The following CXCR5 variants were observed in gnomAD, a reference collection of about 807,000 sequenced individuals.
CXCR5 encodes C-X-C motif chemokine receptor 5.
A neutral mutation model predicts 5.6 loss-of-function variants in CXCR5; 3 were observed. That is an observed-to-expected ratio of 0.54 (90% confidence interval 0.24 to 1.39). The LOEUF is 1.39. CXCR5 is among the 40% of genes most tolerant of loss of function. The probability of loss-of-function intolerance (pLI) is 0.16; values close to 1 mark genes in which losing one functional copy is unlikely to be tolerated. For missense variants in CXCR5, 333 were observed against 494.6 expected, an observed-to-expected ratio of 0.67 and a Z score of 3.10; for synonymous variants, 218 against 219.9, an observed-to-expected ratio of 0.99 and a Z score of 0.08.
chr11:118,884,058 A>G, intron 1 of CXCR5, 66 bp downstream of exon 1: 1 of 1,506,478 alleles, frequency 6.6e-7, no homozygotes, highest in Non-Finnish European at 9.1e-7. Context: ...CCTTTGCCAG[A>G]GTCCGAGGGA....
chr11:118,897,629 G>A lies in CXCR5; in HGVS notation c.*2966G>A. 1 of 370,276 alleles carries A rather than the reference G, an allele frequency of 2.7e-6. No individual in the cohort carries two copies. Among genetic ancestry groups the A allele is most frequent in the South Asian group, 2.0e-5 (1 of 49,188 alleles). The allele number at this position is 370,276 out of a possible 1,614,324, so 22.9% of individuals were successfully genotyped here. ...CATCTTACCATTTGGGGACGAGACAGGAATGGTATCCCTTAGGGACCCAGA... is the reference window on the plus strand; with the variant it reads ...CATCTTACCATTTGGGGACGAGACAAGAATGGTATCCCTTAGGGACCCAGA... On this transcript the variant is annotated 3_prime_UTR_variant, in exon 2 of 2. Coordinates refer to ENST00000292174, the MANE Select transcript of CXCR5 (RefSeq NM_001716.5).
chr11:118,885,232 C>T (rs1319500760), intron 1 of CXCR5, among the ~76,000 whole-genome samples: 1 of 152,162 alleles, frequency 6.6e-6, no homozygotes, highest in East Asian at 1.9e-4. Context: ...CCCCTCGGAT[C>T]CAAACCGTAG....
chr11:118,884,453 T>C (rs928951417), intron 1 of CXCR5, among the ~76,000 whole-genome samples: 1 of 152,120 alleles, frequency 6.6e-6, no homozygotes, highest in African/African-American at 2.4e-5. Flanking sequence ...GGCACTACAT[T>C]CTGTGTTGGG....
rs758718520 is a variant in CXCR5, at chr11:118,883,899, C to T, written c.-43C>T. 1 of 1,598,274 alleles carries T rather than the reference C, an allele frequency of 6.3e-7. No homozygotes were observed. Among genetic ancestry groups the T allele is most frequent in the African/African-American group, 1.3e-5 (1 of 74,544 alleles). ...AGGCACCTGGCGGGGAGCCTCTCAA[C>T]ATAAGACAGTGACCAGTCTGGTGAC... On this transcript the variant is annotated 5_prime_UTR_variant, in exon 1 of 2. Transcript: ENST00000292174.
chr11:118,891,096 G>A (rs569857768), intron 1 of CXCR5, among the ~76,000 whole-genome samples: 2 of 152,122 alleles, frequency 1.3e-5, no homozygotes, highest in African/African-American at 4.8e-5. Context: ...AAACAAAGGC[G>A]TGTGTTTGGG....
At chr11:118,884,323 G>A (rs555425325) in intron 1 of CXCR5, among the ~76,000 whole-genome samples, 2 of 152,218 alleles carry the variant, frequency 1.3e-5, no homozygotes, top group South Asian at 2.1e-4. Context: ...TCTTAGGGTC[G>A]GAATATGGAA....
At chr11:118,887,022 G>A (rs1405636851) in intron 1 of CXCR5, 1 of 154,416 alleles carries the variant, frequency 6.5e-6, no homozygotes, top group Non-Finnish European at 1.4e-5. Context: ...CAGGTCAAAA[G>A]TCCCAGAGGA....
chr11:118,894,611 G>T lies in CXCR5; in HGVS notation c.1067G>T (p.Arg356Leu), dbSNP rs142644535. 14 of 1,520,392 alleles carry T rather than the reference G, an allele frequency of 9.2e-6. No homozygotes were observed. Among genetic ancestry groups the T allele is most frequent in the Non-Finnish European group, 1.2e-5 (14 of 1,134,498 alleles). 94.2% of individuals were successfully genotyped at this position (1,520,392 alleles called of 1,614,324 possible). Residue 356 changes from arginine to leucine, a missense_variant, in exon 2 of 2, where the codon CGC (arginine) becomes CTC (leucine). Arg to Leu is a moderately radical substitution (Grantham distance 102). Coordinates refer to ENST00000292174, the MANE Select transcript of CXCR5 (RefSeq NM_001716.5). This position sits in a 1 kb window ranked among gnomAD's most constrained non-coding sequence, Gnocchi z 6.1. ...CTGTGCCAGCTCTTCCCTAGCTGGC[G>T]CAGGAGCAGTCTCTCTGAGTCAGAG... ...ASLCQLFPSW[R>L]RSSLSESENA...
intron 1 of CXCR5, among the ~76,000 whole-genome samples, chr11:118,892,212 A>G (rs778801833): frequency 6.6e-6 from 1 of 152,178 alleles, no homozygotes; most frequent in Non-Finnish European, 1.5e-5. Flanking sequence ...TCCTTCTCAC[A>G]GACCCTCATT....
At position 118,897,768 on chromosome 11, in the gene CXCR5, G is replaced by A. The variant is rs201537577; in HGVS notation, c.*3105G>A. On this transcript the variant is annotated 3_prime_UTR_variant, in exon 2 of 2. Transcript: ENST00000292174. ...GGGTTTCTTTTATCCTTTTTTTTTT[G>A]TGTGACTTCTATCAAAACACAGAAA... is the stretch of plus-strand genomic sequence containing the variant. 1 of 430,718 alleles carries A rather than the reference G, an allele frequency of 2.3e-6. No homozygotes were observed. The highest frequency in any genetic ancestry group is 4.6e-6 in the Non-Finnish European group (1 of 219,160). 26.7% of individuals were successfully genotyped at this position (430,718 alleles called of 1,614,324 possible).
chr11:118,897,615 T>G lies in CXCR5; in HGVS notation c.*2952T>G, dbSNP rs958953608. On this transcript the variant is annotated 3_prime_UTR_variant, in exon 2 of 2. Coordinates refer to ENST00000292174, the MANE Select transcript of CXCR5 (RefSeq NM_001716.5). ...TGGGTCATTTACGTCATCTTACCAT[T>G]TGGGGACGAGACAGGAATGGTATCC... 2.8e-6 allele frequency: 1 copy of G among 363,512 alleles called. No homozygotes were observed. Among genetic ancestry groups the G allele is most frequent in the Non-Finnish European group, 5.4e-6 (1 of 185,062 alleles). 22.5% of individuals were successfully genotyped at this position (363,512 alleles called of 1,614,324 possible). A position where few individuals can be genotyped will look rare whatever the true frequency, so the allele number is the denominator to read the frequency against.
In CXCR5 at chr11:118,893,740, G is replaced by A. The variant is rs774152337; in HGVS notation, c.196G>A (p.Val66Met). 137 of 1,614,054 alleles carry A rather than the reference G, an allele frequency of 8.5e-5. 2 individuals carry two copies. The Middle Eastern group carries it at 6.2e-3, about 74-fold the overall frequency. Residue 66 changes from valine to methionine, a missense_variant, in exon 2 of 2, where the codon GTG (valine) becomes ATG (methionine). Coordinates refer to ENST00000292174, the MANE Select transcript of CXCR5 (RefSeq NM_001716.5). The surrounding 1 kb of genome is among the most constrained non-coding windows in gnomAD (Gnocchi z 5.7). ...CTACAGCCTCATCTTCCTCCTGGGC[G>A]TGATCGGCAACGTCCTGGTGCTGGT... is the stretch of plus-strand genomic sequence containing the variant. ...VAYSLIFLLG[V>M]IGNVLVLVIL...
At chr11:118,889,431 T>C (rs142979137) in intron 1 of CXCR5, among the ~76,000 whole-genome samples, 163 of 152,302 alleles carry the variant, frequency 1.1e-3, no homozygotes, top group Non-Finnish European at 2.0e-3. Flanking sequence ...CTCACGCAAA[T>C]GGTCTGCCCT....
chr11:118,890,450 G>T (rs57231586), intron 1 of CXCR5, among the ~76,000 whole-genome samples: 8,273 of 152,108 alleles, frequency 0.054, 550 homozygotes, highest in African/African-American at 0.16. Context: ...TTCCAAGAGG[G>T]GAGCCGGGAA....
Position 118,893,478 on chromosome 11 carries a change from C to T in CXCR5, c.52-118C>T. 8 of 1,458,992 alleles carry T rather than the reference C, an allele frequency of 5.5e-6. No homozygotes were observed. The highest frequency in any genetic ancestry group is 1.4e-5 in the African/African-American group (1 of 70,806). 90.4% of individuals were successfully genotyped at this position (1,458,992 alleles called of 1,614,324 possible). A position where few individuals can be genotyped will look rare whatever the true frequency, so the allele number is the denominator to read the frequency against. On this transcript the variant is annotated intron_variant, in intron 1 of 1. Coordinates refer to ENST00000292174, the MANE Select transcript of CXCR5 (RefSeq NM_001716.5). This position sits in a 1 kb window ranked among gnomAD's most constrained non-coding sequence, Gnocchi z 5.7. ...ATTTGTTCAAAATTGAAATTTGAAA[C>T]TTGACATTTGGTCAGTGGGCCCTAT... is the stretch of plus-strand genomic sequence containing the variant.
intron 1 of CXCR5, among the ~76,000 whole-genome samples, chr11:118,892,803 C>T (rs965736485): frequency 5.3e-5 from 8 of 152,150 alleles, no homozygotes; most frequent in African/African-American, 1.9e-4. Flanking sequence ...CCCTCACTTT[C>T]TCCTGCCTCT....
rs2137660702 is a variant in CXCR5, at chr11:118,894,354, C to T, written c.810C>T (p.Leu270=). The T allele has an allele frequency of 6.2e-7, 1 of 1,614,172 alleles. No homozygotes were observed. Among genetic ancestry groups the T allele is most frequent in the East Asian group, 2.2e-5 (1 of 44,884 alleles). Residue 270 remains leucine, a synonymous_variant, in exon 2 of 2, where the codon CTC becomes CTT. Coordinates refer to ENST00000292174, the MANE Select transcript of CXCR5 (RefSeq NM_001716.5). This position sits in a 1 kb window ranked among gnomAD's most constrained non-coding sequence, Gnocchi z 6.1. ...VAILVTSIFF[L]CWSPYHIVIF... ...TCCTGGTGACAAGCATCTTCTTCCTCTGCTGGTCACCCTACCACATCGTCA... is the reference window on the plus strand; with the variant it reads ...TCCTGGTGACAAGCATCTTCTTCCTTTGCTGGTCACCCTACCACATCGTCA...
In CXCR5 at chr11:118,894,779, G is replaced by A; in HGVS notation, c.*116G>A. The A allele has an allele frequency of 2.0e-6, 2 of 1,025,030 alleles. No homozygotes were observed. Among genetic ancestry groups the A allele is most frequent in the Non-Finnish European group, 2.7e-6 (2 of 750,460 alleles). The allele number at this position is 1,025,030 out of a possible 1,614,324, so 63.5% of individuals were successfully genotyped here. On this transcript the variant is annotated 3_prime_UTR_variant, in exon 2 of 2. Transcript: ENST00000292174. This position sits in a 1 kb window ranked among gnomAD's most constrained non-coding sequence, Gnocchi z 6.1. ...CACCGTGGCTAAGAGTGTCCTAGGA[G>A]TATCCTCATTTGGGGTAGCTAGAGG...
intron 1 of CXCR5, among the ~76,000 whole-genome samples, chr11:118,892,390 C>A (rs1353819690): frequency 6.6e-6 from 1 of 152,136 alleles, no homozygotes; most frequent in Non-Finnish European, 1.5e-5. Flanking sequence ...AATGGGGGCA[C>A]CATTAAGCCA....
Sources: allele counts gnomAD v4.1 joint callset (sites outside exome capture counted in the v4.1 genomes callset), GRCh38; gene constraint gnomAD v4.1.1; non-coding constraint Gnocchi (gnomAD v3.1); transcripts MANE v1.5; gene names NCBI Gene and HGNC (gene_info 2026-07-23, HGNC 2026-07-21).